Variants in PID1 observed in about 807,000 individuals in gnomAD.
PID1 encodes PTB-containing, cubilin and LRP1-interacting protein.
PID1 carries 10 observed loss-of-function variants against 19.1 expected under a neutral mutation model. The observed-to-expected ratio is 0.52, with a 90% CI of 0.32 to 0.89. PID1 has a LOEUF of 0.89. Ranked by LOEUF, PID1 falls within the 40% of genes least tolerant of loss-of-function variation. The pLI, the probability that PID1 is intolerant of heterozygous loss-of-function variation, is 0.03. For missense variants in PID1, 248 were observed against 285.3 expected (o/e 0.87, Z 0.94); for synonymous variants, 130 against 116.0 (o/e 1.12, Z -0.78).
intron 2 of PID1, among the ~76,000 whole-genome samples, chr2:229,154,344 C>T (rs1329360292): frequency 6.6e-6 from 1 of 152,076 alleles, no homozygotes; most frequent in East Asian, 1.9e-4. Flanking sequence ...TTCCCAAACA[C>T]ACCAAGACCA....
chr2:229,122,144 A>G (rs895136881), intron 2 of PID1, among the ~76,000 whole-genome samples: 1 of 152,194 alleles, frequency 6.6e-6, no homozygotes, highest in African/African-American at 2.4e-5. Context: ...ATCCTGGTTG[A>G]GGCGAAGAGT....
chr2:229,224,664 C>T lies in PID1; in HGVS notation c.30+46350G>A, dbSNP rs552738517. Among the ~76,000 whole-genome samples the T allele has an allele frequency of 1.3e-4, 20 of 152,110 alleles. No homozygotes were observed. The South Asian group carries it at 3.3e-3, about 25-fold the overall frequency. ...TCAAAATGGACAAAATTAAAAATAG[C>T]GATCCATAAGGTAAAACAGATATTA... On this transcript the variant is annotated intron_variant, in intron 1 of 2. Coordinates refer to ENST00000392055, the MANE Select transcript of PID1 (RefSeq NM_001100818.2).
intron 1 of PID1, among the ~76,000 whole-genome samples, chr2:229,216,573 T>C (rs1691850606): frequency 6.6e-6 from 1 of 152,192 alleles, no homozygotes; most frequent in African/African-American, 2.4e-5. Flanking sequence ...TCTTAGGTTT[T>C]AACCTTTTAA....
intron 2 of PID1, among the ~76,000 whole-genome samples, chr2:229,120,128 T>C (rs1244706978): frequency 1.3e-5 from 2 of 152,100 alleles, no homozygotes; most frequent in Admixed American, 1.3e-4. Context: ...TAGAAAGATA[T>C]TTCTTACAAG....
At chr2:229,082,638 GGC>G (rs1198203218) in intron 2 of PID1, among the ~76,000 whole-genome samples, 14 of 152,288 alleles carry the variant, frequency 9.2e-5, no homozygotes, top group Non-Finnish European at 2.1e-4. Context: ...GGATGCAGCT[GGC>G]CTTTAGAGCA....
At chr2:229,139,848 A>G (rs2106179188) in intron 2 of PID1, among the ~76,000 whole-genome samples, 1 of 152,248 alleles carries the variant, frequency 6.6e-6, no homozygotes, top group South Asian at 2.1e-4. Context: ...AAAGATAAAT[A>G]CCAGTTCTGC....
intron 1 of PID1, among the ~76,000 whole-genome samples, chr2:229,228,270 C>T (rs1487466536): frequency 6.6e-6 from 1 of 152,092 alleles, no homozygotes; most frequent in Non-Finnish European, 1.5e-5. Flanking sequence ...TAGGAGCAGT[C>T]ATTTTCTGTT....
intron 2 of PID1, among the ~76,000 whole-genome samples, chr2:229,028,915 G>A (rs1014173712): frequency 6.6e-6 from 1 of 152,132 alleles, no homozygotes; most frequent in Non-Finnish European, 1.5e-5. Flanking sequence ...GCTATTATCA[G>A]TTCTACTAAT....
intron 1 of PID1, among the ~76,000 whole-genome samples, chr2:229,222,824 A>G (rs527708225): frequency 1.3e-5 from 2 of 151,940 alleles, no homozygotes; most frequent in East Asian, 3.9e-4. Flanking sequence ...CCAAAATCAC[A>G]TAAGCCAATT....
chr2:229,254,338 A>T (rs1690235290), intron 1 of PID1, among the ~76,000 whole-genome samples: 1 of 152,212 alleles, frequency 6.6e-6, no homozygotes, highest in African/African-American at 2.4e-5. Context: ...CAGTCTTAGC[A>T]TTCCTATTGA....
At chr2:229,240,129 A>G (rs1469162715) in intron 1 of PID1, among the ~76,000 whole-genome samples, 1 of 152,208 alleles carries the variant, frequency 6.6e-6, no homozygotes, top group Non-Finnish European at 1.5e-5. Context: ...CATTTTCATT[A>G]TTACAGATGC....
chr2:229,207,728 T>C (rs1191724984), intron 1 of PID1, among the ~76,000 whole-genome samples: 32 of 151,786 alleles, frequency 2.1e-4, no homozygotes, highest in Admixed American at 2.1e-3. Flanking sequence ...GAGATTTCAG[T>C]TTAGAATCCG....
At chr2:229,067,482 C>T (rs1694353493) in intron 2 of PID1, among the ~76,000 whole-genome samples, 1 of 152,004 alleles carries the variant, frequency 6.6e-6, no homozygotes. Context: ...GAAATTGAGG[C>T]CACTGACTTC....
chr2:229,192,196 T>C (rs1229164634), intron 1 of PID1, among the ~76,000 whole-genome samples: 1 of 152,214 alleles, frequency 6.6e-6, no homozygotes, highest in East Asian at 1.9e-4. Context: ...ACAACACGGT[T>C]TGACAGTTGT....
At chr2:229,191,037 G>A (rs1691250560) in intron 1 of PID1, among the ~76,000 whole-genome samples, 1 of 152,180 alleles carries the variant, frequency 6.6e-6, no homozygotes, top group African/African-American at 2.4e-5. Flanking sequence ...AGGATCTTTA[G>A]GGGAGCAACA....
At chr2:229,160,229 G>A (rs1485381500) in intron 1 of PID1, among the ~76,000 whole-genome samples, 2 of 152,180 alleles carry the variant, frequency 1.3e-5, no homozygotes. Context: ...TCCCATCCGT[G>A]TTGTAAACCA....
intron 1 of PID1, among the ~76,000 whole-genome samples, chr2:229,235,858 C>T (rs1692314709): frequency 6.6e-6 from 1 of 152,134 alleles, no homozygotes; most frequent in South Asian, 2.1e-4. Flanking sequence ...GGCTTCCAGG[C>T]ATCTCGGGAC....
At chr2:229,130,371 T>C (rs780845485) in intron 2 of PID1, among the ~76,000 whole-genome samples, 9 of 152,178 alleles carry the variant, frequency 5.9e-5, no homozygotes, top group Non-Finnish European at 1.3e-4. Flanking sequence ...TGGGGGACAG[T>C]GACAGCAAGA....
intron 2 of PID1, among the ~76,000 whole-genome samples, chr2:229,152,528 TAGG>T (rs1690278671): frequency 1.3e-5 from 2 of 151,998 alleles, no homozygotes; most frequent in Non-Finnish European, 2.9e-5. Flanking sequence ...TCTTGCTAGA[TAGG>T]AGGAGAAAGG....
Sources: gnomAD v4.1 joint callset for allele counts (sites outside exome capture counted in the v4.1 genomes callset) on GRCh38, gnomAD v4.1.1 for gene constraint, MANE v1.5 for transcripts, NCBI Gene and HGNC (gene_info 2026-07-23, HGNC 2026-07-21) for gene names.